The following ZNF532 variants were observed in gnomAD, a reference collection of about 807,000 sequenced individuals.
The protein encoded by ZNF532 is zinc finger protein 532.
ZNF532 carries 22 observed loss-of-function variants against 89.3 expected under a neutral mutation model. The observed-to-expected ratio is 0.25, with a 90% confidence interval of 0.18 to 0.35. The LOEUF (loss-of-function observed/expected upper bound fraction) is 0.35, where lower values mean the gene tolerates loss of function less well. ZNF532 is among the 10% of genes least tolerant of loss of function. The pLI, the probability that ZNF532 is intolerant of heterozygous loss-of-function variation, is 1.00. For missense variants in ZNF532, 1,132 were observed against 1,643.4 expected (o/e 0.69, Z 5.38); for synonymous variants, 606 against 649.6 (o/e 0.93, Z 1.02).
intron 8 of ZNF532, 48 bp downstream of exon 8, chr18:58,979,215 C>A: frequency 6.6e-7 from 1 of 1,509,108 alleles, no homozygotes; most frequent in Non-Finnish European, 9.2e-7. Context: ...TCAGGAGGAA[C>A]CTCTGGAAGG....
At chr18:58,872,958 A>G (rs890911468) in intron 2 of ZNF532, among the ~76,000 whole-genome samples, 1 of 152,134 alleles carries the variant, frequency 6.6e-6, no homozygotes, top group Admixed American at 6.5e-5. Context: ...TTGGCCTCCC[A>G]AAGTGTTGGG....
At chr18:58,879,168 T>A (rs1383474373) in intron 2 of ZNF532, among the ~76,000 whole-genome samples, 1 of 152,118 alleles carries the variant, frequency 6.6e-6, no homozygotes, top group African/African-American at 2.4e-5. Flanking sequence ...CCTGCTACAG[T>A]AGGAGCCATA....
intron 2 of ZNF532, among the ~76,000 whole-genome samples, chr18:58,884,995 CT>C (rs1190744693): frequency 1.1e-4 from 11 of 103,056 alleles, no homozygotes; most frequent in Middle Eastern, 4.8e-3. Flanking sequence ...TTTTTTTTTT[CT>C]TTTTTTTTTG....
At chr18:58,940,958 A>ACACACACACACACACACT (rs1209329621) in intron 5 of ZNF532, among the ~76,000 whole-genome samples, 7 of 131,696 alleles carry the variant, frequency 5.3e-5, no homozygotes, top group African/African-American at 1.1e-4. Flanking sequence ...ACACACACAC[A>ACACACACACACACACACT]CTCTTTCTCT....
At position 58,888,741 on chromosome 18, in the gene ZNF532, T is replaced by TTTTTTATATATATAAAATATATATATAA. The variant is rs2058531520; in HGVS notation, c.-18+23165_-18+23166insTTATATATATAAAATATATATATAATTT. On this transcript the variant is annotated intron_variant, in intron 2 of 9. Transcript: ENST00000591808. ...TATATATATAAATTATATATATATA[T>TTTTTTATATATATAAAATATATATATAA]TTTATATATATATAAAATTAATATA... 2.6e-4 allele frequency among the ~76,000 whole-genome samples: 8 copies of TTTTTTATATATATAAAATATATATATAA among 30,442 alleles called. 2 individuals carry two copies. The highest frequency in any genetic ancestry group is 1.3e-3 in the Admixed American group (2 of 1,506). 20.0% of individuals were successfully genotyped at this position (30,442 alleles called of 152,430 possible). A position where few individuals can be genotyped will look rare whatever the true frequency, so the allele number is the denominator to read the frequency against.
intron 5 of ZNF532, among the ~76,000 whole-genome samples, chr18:58,947,038 A>G (rs1242119250): frequency 6.6e-6 from 1 of 151,976 alleles, no homozygotes; most frequent in Non-Finnish European, 1.5e-5. Flanking sequence ...CTCTCTTTTC[A>G]TTTCTGACCC....
intron 2 of ZNF532, among the ~76,000 whole-genome samples, chr18:58,917,437 G>A (rs1389493637): frequency 6.6e-6 from 1 of 152,198 alleles, no homozygotes; most frequent in African/African-American, 2.4e-5. Flanking sequence ...GAAGGCTGGG[G>A]TTCCAGGGAG....
chr18:58,871,661 C>T (rs1051122882), intron 2 of ZNF532, among the ~76,000 whole-genome samples: 39 of 152,172 alleles, frequency 2.6e-4, no homozygotes, highest in Middle Eastern at 3.2e-3. Context: ...GCGCCGTTCA[C>T]GTTGGAGGTG....
At chr18:58,871,953 G>A (rs1362305505) in intron 2 of ZNF532, among the ~76,000 whole-genome samples, 1 of 152,224 alleles carries the variant, frequency 6.6e-6, no homozygotes, top group Non-Finnish European at 1.5e-5. Flanking sequence ...AAGTGGTGCC[G>A]AGAAGAATCT....
intron 7 of ZNF532, among the ~76,000 whole-genome samples, chr18:58,964,620 T>C (rs1183629456): frequency 6.6e-6 from 1 of 151,642 alleles, no homozygotes; most frequent in African/African-American, 2.4e-5. Flanking sequence ...AGAGTCTCGC[T>C]CTGTCGCTCA....
chr18:58,908,343 G>A (rs2060067532), intron 2 of ZNF532, among the ~76,000 whole-genome samples: 1 of 152,148 alleles, frequency 6.6e-6, no homozygotes, highest in African/African-American at 2.4e-5. Context: ...TTTGTCCATA[G>A]ACAATTTATT....
chr18:58,954,632 C>T (rs1328569969), intron 7 of ZNF532, among the ~76,000 whole-genome samples: 1 of 147,514 alleles, frequency 6.8e-6, no homozygotes, highest in South Asian at 2.1e-4. Context: ...TAGGTTGTCC[C>T]TCACTTTACT....
In ZNF532 at chr18:58,925,645, T is replaced by C. The variant is rs1474942254; in HGVS notation, c.2346+5012T>C. Among the ~76,000 whole-genome samples, 3 of 152,360 alleles carry C rather than the reference T, an allele frequency of 2.0e-5. No homozygotes were observed. In the South Asian group the frequency reaches 6.2e-4, roughly 32 times the overall value. ...AGTCAAGTATATCAGTTTTCCATCT[T>C]ATGACCTCTGCTTTTGGTGTCAAGT... is the stretch of plus-strand genomic sequence containing the variant. On this transcript the variant is annotated intron_variant, in intron 3 of 9. Coordinates refer to ENST00000591808, the MANE Select transcript of ZNF532 (RefSeq NM_001375912.1).
chr18:58,954,656 T>A (rs1310375316), intron 7 of ZNF532, among the ~76,000 whole-genome samples: 1 of 149,014 alleles, frequency 6.7e-6, no homozygotes, highest in East Asian at 2.0e-4. Flanking sequence ...TTTAGGTAAT[T>A]GATACTTTTT....
chr18:58,895,611 G>C (rs893863284), intron 2 of ZNF532, among the ~76,000 whole-genome samples: 2 of 152,178 alleles, frequency 1.3e-5, no homozygotes, highest in Non-Finnish European at 2.9e-5. Context: ...TATATCGTAC[G>C]TGTCTCTTCC....
In ZNF532 at chr18:58,880,775, T is replaced by C. The variant is rs1055921185; in HGVS notation, c.-18+15196T>C. 2.6e-3 allele frequency among the ~76,000 whole-genome samples: 339 copies of C among 132,492 alleles called. 2 individuals are homozygous for C. Among genetic ancestry groups the C allele is most frequent in the Non-Finnish European group, 4.1e-3 (264 of 64,902 alleles). The allele number at this position is 132,492 out of a possible 152,430, so 86.9% of individuals were successfully genotyped here. ...AGGCGCGCGCGCACGCGCGCGCGTC[T>C]GTGTGTGTGTGTGTATGTTTGGGGC... is the stretch of plus-strand genomic sequence containing the variant. On this transcript the variant is annotated intron_variant, in intron 2 of 9. Transcript: ENST00000591808.
At chr18:58,902,673 G>T (rs1301769149) in intron 2 of ZNF532, among the ~76,000 whole-genome samples, 3 of 151,812 alleles carry the variant, frequency 2.0e-5, no homozygotes, top group Non-Finnish European at 4.4e-5. Context: ...TGTATTTTTA[G>T]TAGAGACAGG....
At chr18:58,927,399 G>A (rs1435005047) in intron 3 of ZNF532, among the ~76,000 whole-genome samples, 1 of 151,862 alleles carries the variant, frequency 6.6e-6, no homozygotes, top group Non-Finnish European at 1.5e-5. Context: ...TGTTTTCCTA[G>A]GCACTCGTTT....
intron 3 of ZNF532, among the ~76,000 whole-genome samples, chr18:58,922,062 A>G (rs986170079): frequency 2.6e-5 from 4 of 152,074 alleles, no homozygotes; most frequent in Non-Finnish European, 5.9e-5. Context: ...AGCTGAGATC[A>G]TACCACGGCA....
Sources: gnomAD v4.1 joint callset for allele counts (sites outside exome capture counted in the v4.1 genomes callset) on GRCh38, gnomAD v4.1.1 for gene constraint, MANE v1.5 for transcripts, NCBI Gene and HGNC (gene_info 2026-07-23, HGNC 2026-07-21) for gene names.